The following DNTTIP2 variants were observed in gnomAD, a reference collection of about 807,000 sequenced individuals.
The protein encoded by DNTTIP2 is deoxynucleotidyltransferase terminal interacting protein 2.
DNTTIP2 carries 47 observed loss-of-function variants against 62.4 expected under a neutral mutation model. That is an observed-to-expected ratio of 0.75 (90% confidence interval 0.60 to 0.96). The LOEUF (loss-of-function observed/expected upper bound fraction) is 0.96. DNTTIP2 is among the 40% of genes least tolerant of loss of function. The probability of loss-of-function intolerance (pLI) is 0.00; values close to 1 mark genes in which losing one functional copy is unlikely to be tolerated. For missense variants in DNTTIP2, 870 were observed against 849.1 expected (o/e 1.02, Z -0.31); for synonymous variants, 322 against 300.9 (o/e 1.07, Z -0.73).
chr1:93,870,875 G>C (rs1188393236), intron 5 of DNTTIP2, 83 bp from the exon 6 acceptor site: 4 of 599,192 alleles, frequency 6.7e-6, no homozygotes, highest in Admixed American at 3.6e-5. Context: ...TATATTTAGA[G>C]AAAGGAATGG....
At chr1:93,873,077 G>A in intron 4 of DNTTIP2, 42 bp downstream of exon 4, 1 of 1,393,976 alleles carries the variant, frequency 7.2e-7, no homozygotes, top group South Asian at 1.2e-5. Context: ...AAAATATATA[G>A]CCAAACATAT....
Position 93,866,589 on chromosome 1 carries a change from A to G in DNTTIP2, c.*3262T>C, listed in dbSNP as rs1284704158. On this transcript the variant is annotated 3_prime_UTR_variant, in exon 7 of 7. Coordinates refer to ENST00000436063, the MANE Select transcript of DNTTIP2 (RefSeq NM_014597.5). ...TTGCTGTTTCTAAGAATGGGATCCT[A>G]TTAATGTATACCAGTTACTAAGGTT... 3 of 152,116 alleles carry G rather than the reference A, an allele frequency of 2.0e-5. No homozygotes were observed. Among genetic ancestry groups the G allele is most frequent in the African/African-American group, 7.2e-5 (3 of 41,428 alleles). The allele number at this position is 152,116 out of a possible 1,614,324, so 9.4% of individuals were successfully genotyped here.
Position 93,875,697 on chromosome 1 carries a change from A to G in DNTTIP2, c.1754T>C (p.Leu585Pro), listed in dbSNP as rs1655982890. ...GLYINFNADK[L>P]QSNKRTLTQI... is the part of the protein sequence containing the mutation. Reference sequence around the variant, plus strand: ...TGTTAGGGTTCTCTTGTTAGACTGTAGTTTATCTGCATTAAAATTAATATA... The same window carrying G: ...TGTTAGGGTTCTCTTGTTAGACTGTGGTTTATCTGCATTAAAATTAATATA... Residue 585 changes from leucine (L) to proline (P), a missense_variant, in exon 3 of 7, where the codon CTA becomes CCA. Leu to Pro is a moderately conservative substitution (Grantham distance 98). Coordinates refer to ENST00000436063, the MANE Select transcript of DNTTIP2 (RefSeq NM_014597.5). The G allele has an allele frequency of 8.7e-6, 14 of 1,613,346 alleles. No individual in the cohort carries two copies. In the East Asian group the frequency reaches 3.1e-4, roughly 36 times the overall value.
chr1:93,871,561 T>C (rs1655863665), intron 5 of DNTTIP2, among the ~76,000 whole-genome samples: 2 of 152,154 alleles, frequency 1.3e-5, no homozygotes, highest in African/African-American at 2.4e-5. Flanking sequence ...AGTAGCTAAG[T>C]GTGTTGGAAT....
chr1:93,875,292 G>C (rs1347611752), intron 3 of DNTTIP2, among the ~76,000 whole-genome samples: 2 of 152,040 alleles, frequency 1.3e-5, no homozygotes, highest in Non-Finnish European at 2.9e-5. Flanking sequence ...TTTTTTTCCG[G>C]GTGGAAGAGG....
rs72723175 is a variant in DNTTIP2 at position 93,871,930 on chromosome 1, T to C, written c.2067+142A>G. The C allele has an allele frequency of 9.8e-3, 8,469 of 866,072 alleles. 79 individuals are homozygous for C. The highest frequency in any genetic ancestry group is 0.011 in the Non-Finnish European group (6,179 of 568,820). 53.6% of individuals were successfully genotyped at this position (866,072 alleles called of 1,614,324 possible). A position where few individuals can be genotyped will look rare whatever the true frequency, so the allele number is the denominator to read the frequency against. ...CTGAATTGGGTAATGGCCATTCTTA[T>C]ATGGCCTATGCAGATATGTTCCATA... On this transcript the variant is annotated intron_variant, in intron 5 of 6. Transcript: ENST00000436063.
intron 5 of DNTTIP2, among the ~76,000 whole-genome samples, chr1:93,871,150 G>A (rs60226009): frequency 0.011 from 1,640 of 152,148 alleles, 35 homozygotes; most frequent in African/African-American, 0.037. Context: ...GGTTTCCTAG[G>A]TCATCACAAA....
At chr1:93,870,901 A>G (rs961167578) in intron 5 of DNTTIP2, 109 bp from the exon 6 acceptor site, 18 of 504,688 alleles carry the variant, frequency 3.6e-5, no homozygotes, top group African/African-American at 7.9e-5. Context: ...ACAAGCTTAC[A>G]TTACACTAAT....
At position 93,875,628 on chromosome 1, in the gene DNTTIP2, C is replaced by G; in HGVS notation, c.1806+17G>C. On this transcript the variant is annotated intron_variant, in intron 3 of 6. Transcript: ENST00000436063. Reference sequence around the variant, plus strand: ...ATTGGTTAGTTCTGTGAAAACCTAACAGCACAATTAACTTACCTCATTTTT... The same window carrying G: ...ATTGGTTAGTTCTGTGAAAACCTAAGAGCACAATTAACTTACCTCATTTTT... The G allele has an allele frequency of 6.2e-7, 1 of 1,602,494 alleles. No homozygotes were observed. The highest frequency in any genetic ancestry group is 8.5e-7 in the Non-Finnish European group (1 of 1,176,824).
intron 3 of DNTTIP2, 133 bp from the exon 4 acceptor site, chr1:93,873,347 T>C (rs562203893): frequency 6.2e-6 from 4 of 644,842 alleles, no homozygotes; most frequent in African/African-American, 1.9e-5. Flanking sequence ...TCCTAGTGCT[T>C]TGAGGAGGCC....
chr1:93,878,130 C>G (rs144929650), intron 1 of DNTTIP2, among the ~76,000 whole-genome samples: 60 of 151,906 alleles, frequency 3.9e-4, no homozygotes, highest in African/African-American at 1.4e-3. Flanking sequence ...ATAGTGAAAC[C>G]CCATCTCTAC....
Position 93,872,046 on chromosome 1 carries a change from T to C in DNTTIP2, c.2067+26A>G, listed in dbSNP as rs772951259. ...TTTCCAAACTAAAATTCACAGATCA[T>C]CACCACTATTCTGTTTGCTTCATAC... On this transcript the variant is annotated intron_variant, in intron 5 of 6. Coordinates refer to ENST00000436063, the MANE Select transcript of DNTTIP2 (RefSeq NM_014597.5). 28 of 1,609,722 alleles carry C rather than the reference T, an allele frequency of 1.7e-5. No homozygotes were observed. The African/African-American group carries it at 2.5e-4, about 15-fold the overall frequency.
intron 1 of DNTTIP2, 98 bp from the exon 2 acceptor site, chr1:93,877,960 G>A: frequency 1.4e-6 from 2 of 1,430,674 alleles, no homozygotes; most frequent in South Asian, 1.5e-5. Context: ...CAGTAAACAA[G>A]ATTACCTTTA....
In DNTTIP2 at chr1:93,877,294, G is replaced by A. The variant is rs756138670; in HGVS notation, c.641C>T (p.Thr214Ile). 1.9e-6 allele frequency: 3 copies of A among 1,613,522 alleles called. No homozygotes were observed. The highest frequency in any genetic ancestry group is 1.1e-5 in the South Asian group (1 of 91,018). ...RSMQRKLKAQ[T>I]EKKDSKIVPG... is the part of the protein sequence containing the mutation. ...TACAATCTTACTATCTTTCTTTTCA[G>A]TTTGTGCCTTTAATTTCCTCTGCAT... Residue 214 changes from threonine to isoleucine, a missense_variant, in exon 2 of 7, where the codon ACT (threonine) becomes ATT (isoleucine). Physicochemically the swap from Thr to Ile is moderately conservative, Grantham distance 89. Coordinates refer to ENST00000436063, the MANE Select transcript of DNTTIP2 (RefSeq NM_014597.5).
chr1:93,871,032 G>A (rs1183941464), intron 5 of DNTTIP2: 1 of 287,454 alleles, frequency 3.5e-6, no homozygotes, highest in Non-Finnish European at 6.4e-6. Flanking sequence ...CTAAATTCAT[G>A]ATGCACAGTG....
rs1311463687 is a variant in DNTTIP2 at position 93,875,600 on chromosome 1, G to A, written c.1806+45C>T. ...TTTTACCAAGGACTAATTTCTAAAA[G>A]TGATTGGTTAGTTCTGTGAAAACCT... On this transcript the variant is annotated intron_variant, in intron 3 of 6. Transcript: ENST00000436063. 3.8e-6 allele frequency: 6 copies of A among 1,564,226 alleles called. No homozygotes were observed. In the African/African-American group the frequency reaches 6.9e-5, roughly 18 times the overall value.
chr1:93,871,997 A>G lies in DNTTIP2; in HGVS notation c.2067+75T>C. ...TGGAAATATCCTCTATTTTAGGAGT[A>G]AACTTTAAAGAACACTACAGTGCTT... On this transcript the variant is annotated intron_variant, in intron 5 of 6. Coordinates refer to ENST00000436063, the MANE Select transcript of DNTTIP2 (RefSeq NM_014597.5). The G allele has an allele frequency of 6.6e-6, 10 of 1,505,418 alleles. No individual in the cohort carries two copies. The Middle Eastern group carries it at 5.2e-4, about 79-fold the overall frequency. 93.3% of individuals were successfully genotyped at this position (1,505,418 alleles called of 1,614,324 possible).
At chr1:93,874,339 A>G (rs1655945002) in intron 3 of DNTTIP2, among the ~76,000 whole-genome samples, 1 of 152,192 alleles carries the variant, frequency 6.6e-6, no homozygotes, top group Admixed American at 6.5e-5. Context: ...GCAGCCCAAA[A>G]CATCAGTAGT....
rs1334630087 is a variant in DNTTIP2 at position 93,868,021 on chromosome 1, A to C, written c.*1830T>G. ...TTGACAAGTGGGATCTAATTAAACT[A>C]AAGAGTTTCTGCACAGCAAAAGAAA... On this transcript the variant is annotated 3_prime_UTR_variant, in exon 7 of 7. Transcript: ENST00000436063. The C allele has an allele frequency of 6.6e-6, 1 of 152,208 alleles. No individual in the cohort carries two copies. The highest frequency in any genetic ancestry group is 2.4e-5 in the African/African-American group (1 of 41,452). 9.4% of individuals were successfully genotyped at this position (152,208 alleles called of 1,614,324 possible).
Sources: allele counts gnomAD v4.1 joint callset (sites outside exome capture counted in the v4.1 genomes callset), GRCh38; gene constraint gnomAD v4.1.1; transcripts MANE v1.5; gene names NCBI Gene and HGNC (gene_info 2026-07-23, HGNC 2026-07-21).